The following EVL variants were observed in gnomAD, a reference collection of about 807,000 sequenced individuals.
EVL encodes the protein Enah/Vasp-like.
A neutral mutation model predicts 59.6 loss-of-function variants in EVL; 21 were observed. The ratio of observed to expected loss-of-function variants is 0.35; its 90% confidence interval spans 0.25 to 0.51. The LOEUF is 0.51. Ranked by LOEUF, EVL falls within the 20% of genes least tolerant of loss-of-function variation. The pLI, the probability that EVL is intolerant of heterozygous loss-of-function variation, is 0.97. For missense variants in EVL, 462 were observed against 546.6 expected (o/e 0.85, Z 1.54); for synonymous variants, 198 against 203.5 (o/e 0.97, Z 0.23).
At chr14:100,136,315 C>T (rs1888784383) in intron 9 of EVL, among the ~76,000 whole-genome samples, 1 of 152,224 alleles carries the variant, frequency 6.6e-6, no homozygotes, top group Non-Finnish European at 1.5e-5. Context: ...GGGGCCAGTG[C>T]TCTTAAGAGG....
At position 100,128,583 on chromosome 14, in the gene EVL, T is replaced by TG; in HGVS notation, c.552_553insG (p.Pro185AlafsTer113). The stretch of plus-strand genomic sequence containing the variant: ...GCGCCCCCGTCTCATGTAGTGGGCC[T>TG]CCACCGCCCCCCCCACCCCCAGTCC... On this transcript the variant is annotated frameshift_variant, in exon 6 of 14. Transcript: ENST00000392920. LOFTEE classifies it high-confidence loss of function. The TG allele has an allele frequency of 6.3e-7, 1 of 1,579,756 alleles. No individual in the cohort carries two copies. Among genetic ancestry groups the TG allele is most frequent in the Non-Finnish European group, 8.7e-7 (1 of 1,155,620 alleles).
intron 1 of EVL, among the ~76,000 whole-genome samples, chr14:100,071,161 A>G (rs1316020780): frequency 6.6e-6 from 1 of 152,172 alleles, no homozygotes; most frequent in Non-Finnish European, 1.5e-5. Flanking sequence ...TGGGCAACCA[A>G]TTTGGATAGA....
At chr14:100,027,699 G>A (rs2061237396) in intron 1 of EVL, among the ~76,000 whole-genome samples, 1 of 151,948 alleles carries the variant, frequency 6.6e-6, no homozygotes, top group African/African-American at 2.4e-5. Flanking sequence ...TGTTTAGACA[G>A]AGTCTTGCTC....
intron 3 of EVL, among the ~76,000 whole-genome samples, chr14:100,116,390 C>T (rs185958360): frequency 6.6e-6 from 1 of 152,340 alleles, no homozygotes; most frequent in Admixed American, 6.5e-5. Context: ...GTCTCTGGCA[C>T]CCCTGACATC....
intron 1 of EVL, among the ~76,000 whole-genome samples, chr14:100,029,583 A>G (rs1595584910): frequency 6.6e-6 from 1 of 152,196 alleles, no homozygotes; most frequent in Non-Finnish European, 1.5e-5. Context: ...TTCCATAGGG[A>G]TACAGATAAC....
At position 100,130,896 on chromosome 14, in the gene EVL, T is replaced by G. The variant is rs77397673; in HGVS notation, c.839+1212T>G. Among the ~76,000 whole-genome samples the G allele has an allele frequency of 0.051, 7,775 of 152,278 alleles. 278 individuals are homozygous for G. The highest frequency in any genetic ancestry group is 0.075 in the Non-Finnish European group (5,069 of 68,012). On this transcript the variant is annotated intron_variant, in intron 7 of 13. Transcript: ENST00000392920. This position sits in a 1 kb window ranked among gnomAD's most constrained non-coding sequence, Gnocchi z 4.8. The stretch of plus-strand genomic sequence containing the variant: ...ACAGGAGGCAGGCTTCTGAGCAGTT[T>G]CCTGTGAGAGTAAGTCCAGGTGTGT...
At chr14:100,138,078 TCA>T (rs2140403692) in intron 11 of EVL, 1 of 555,192 alleles carries the variant, frequency 1.8e-6, no homozygotes, top group South Asian at 2.2e-5. Context: ...AGCTCTGGAC[TCA>T]CTACGTGTGA....
chr14:100,007,559 G>A (rs1200167429), intron 1 of EVL, among the ~76,000 whole-genome samples: 2 of 152,210 alleles, frequency 1.3e-5, no homozygotes, highest in Non-Finnish European at 2.9e-5. Context: ...CAACATTTGC[G>A]TGATACCCTT....
chr14:100,029,515 C>T (rs1328041400), intron 1 of EVL, among the ~76,000 whole-genome samples: 1 of 152,058 alleles, frequency 6.6e-6, no homozygotes, highest in Admixed American at 6.6e-5. Flanking sequence ...AACAGACAGA[C>T]CAAAAGCATG....
intron 1 of EVL, among the ~76,000 whole-genome samples, chr14:100,038,186 T>C (rs976846740): frequency 5.4e-4 from 82 of 152,130 alleles, no homozygotes; most frequent in African/African-American, 1.5e-3. Flanking sequence ...GTAGATTTAA[T>C]AAAGCACCAC....
At chr14:100,048,463 A>G (rs1292425820) in intron 1 of EVL, among the ~76,000 whole-genome samples, 1 of 152,234 alleles carries the variant, frequency 6.6e-6, no homozygotes, top group African/African-American at 2.4e-5. Flanking sequence ...TAGAGTGACT[A>G]AGATGAAATA....
At chr14:100,137,443 C>G in intron 9 of EVL, 135 bp from the exon 10 acceptor site, 3 of 911,380 alleles carry the variant, frequency 3.3e-6, no homozygotes, top group Non-Finnish European at 5.2e-6. Context: ...TGGCTTAACT[C>G]AATCAGACCT....
chr14:99,973,944 A>G (rs114705383), intron 1 of EVL, among the ~76,000 whole-genome samples: 5 of 152,314 alleles, frequency 3.3e-5, no homozygotes, highest in African/African-American at 1.2e-4. Context: ...ACTCTGTTGT[A>G]CCACCTTTGT....
intron 3 of EVL, among the ~76,000 whole-genome samples, chr14:100,103,647 C>T (rs1039876525): frequency 6.6e-6 from 1 of 152,154 alleles, no homozygotes; most frequent in Admixed American, 6.5e-5. Context: ...TGAGGCGCCC[C>T]TTCTATGTGC....
chr14:100,089,536 CAGAAA>C (rs1229298106), intron 2 of EVL, among the ~76,000 whole-genome samples: 1 of 152,124 alleles, frequency 6.6e-6, no homozygotes, highest in Admixed American at 6.5e-5. Flanking sequence ...AACCATGAGA[CAGAAA>C]AGAAATCACA....
chr14:99,982,800 G>C (rs956915554), intron 1 of EVL, among the ~76,000 whole-genome samples: 9 of 152,194 alleles, frequency 5.9e-5, no homozygotes, highest in Admixed American at 3.3e-4. Flanking sequence ...AAATGTTTTA[G>C]TTTAATTTAA....
intron 9 of EVL, 147 bp from the exon 10 acceptor site, chr14:100,137,431 T>C: frequency 1.3e-6 from 1 of 758,722 alleles, no homozygotes; most frequent in Non-Finnish European, 2.2e-6. Flanking sequence ...GGTGCCAGGT[T>C]TTGGCTTAAC....
intron 2 of EVL, among the ~76,000 whole-genome samples, chr14:100,094,267 T>C (rs1273706796): frequency 6.6e-6 from 1 of 152,188 alleles, no homozygotes; most frequent in Non-Finnish European, 1.5e-5. Flanking sequence ...ATCCCTAAGG[T>C]GCTATTTAGC....
chr14:100,114,437 C>T lies in EVL; in HGVS notation c.359-9102C>T, dbSNP rs376245472. 8.5e-5 allele frequency: 13 copies of T among 152,534 alleles called. No individual in the cohort carries two copies. The East Asian group carries it at 2.5e-3, about 30-fold the overall frequency. 9.4% of individuals were successfully genotyped at this position (152,534 alleles called of 1,614,324 possible). The stretch of plus-strand genomic sequence containing the variant: ...AAGGGGTCTGGACAGTCCTCCAGGG[C>T]CAGGGCCCTGGGAGCTTGCTGGAGT... On this transcript the variant is annotated intron_variant, in intron 3 of 13. Coordinates refer to ENST00000392920, the MANE Select transcript of EVL (RefSeq NM_016337.3). The surrounding 1 kb of genome is among the most constrained non-coding windows in gnomAD (Gnocchi z 5.0).
Sources: gnomAD v4.1 joint callset for allele counts (sites outside exome capture counted in the v4.1 genomes callset) on GRCh38, gnomAD v4.1.1 for gene constraint, Gnocchi (gnomAD v3.1) non-coding constraint, MANE v1.5 for transcripts, NCBI Gene and HGNC (gene_info 2026-07-23, HGNC 2026-07-21) for gene names.